The following BNC2 variants were observed in gnomAD, a reference collection of about 807,000 sequenced individuals.
BNC2 encodes the protein basonuclin zinc finger protein 2.
Under a neutral mutation model 76.3 loss-of-function variants are expected in BNC2, and 20 were observed. That is an observed-to-expected ratio of 0.26 (90% CI 0.18 to 0.38). The LOEUF is 0.38. Among genes scored for constraint, BNC2 ranks in the 10% least tolerant of loss-of-function variants. The probability of loss-of-function intolerance (pLI) is 1.00; values close to 1 mark genes in which losing one functional copy is unlikely to be tolerated. For synonymous variants in BNC2, 582 were observed against 514.8 expected, an observed-to-expected ratio of 1.13 and a Z score of -1.77; for missense variants, 1,382 against 1,399.8, an observed-to-expected ratio of 0.99 and a Z score of 0.20.
chr9:16,542,899 C>A (rs998871189), intron 5 of BNC2, among the ~76,000 whole-genome samples: 1 of 152,114 alleles, frequency 6.6e-6, no homozygotes, highest in African/African-American at 2.4e-5. Flanking sequence ...ATTTCATACA[C>A]CAGCACTTGA....
intron 1 of BNC2, among the ~76,000 whole-genome samples, chr9:16,803,364 C>G (rs1817828668): frequency 6.6e-6 from 1 of 152,124 alleles, no homozygotes; most frequent in Non-Finnish European, 1.5e-5. Flanking sequence ...TAATACGTAC[C>G]TCTGCCCCAA....
At chr9:16,806,444 T>TAATG (rs1817914646) in intron 1 of BNC2, among the ~76,000 whole-genome samples, 1 of 152,170 alleles carries the variant, frequency 6.6e-6, no homozygotes, top group Non-Finnish European at 1.5e-5. Context: ...TTTTGAAGGT[T>TAATG]CACTTGGAAC....
intron 5 of BNC2, among the ~76,000 whole-genome samples, chr9:16,538,810 T>C (rs1210763278): frequency 6.6e-6 from 1 of 152,212 alleles, no homozygotes; most frequent in Admixed American, 6.5e-5. Flanking sequence ...TGAAAAATGT[T>C]TAAAATTCCT....
intron 1 of BNC2, among the ~76,000 whole-genome samples, chr9:16,802,699 G>A (rs1215428755): frequency 6.6e-6 from 1 of 152,166 alleles, no homozygotes; most frequent in East Asian, 1.9e-4. Context: ...GTTTTTGTAA[G>A]AACACACTAT....
intron 5 of BNC2, among the ~76,000 whole-genome samples, chr9:16,495,131 G>A (rs926272861): frequency 2.6e-5 from 4 of 152,176 alleles, no homozygotes; most frequent in Non-Finnish European, 5.9e-5. Context: ...CAAGTGGATA[G>A]GGGATTATTA....
chr9:16,562,632 T>C (rs1197012231), intron 4 of BNC2, among the ~76,000 whole-genome samples: 2 of 152,188 alleles, frequency 1.3e-5, no homozygotes, highest in Non-Finnish European at 2.9e-5. Flanking sequence ...ATAATCCAAA[T>C]GTCAAAGCAC....
chr9:16,749,691 T>G (rs1408380604), intron 1 of BNC2, among the ~76,000 whole-genome samples: 1 of 102,998 alleles, frequency 9.7e-6, no homozygotes, highest in Non-Finnish European at 2.0e-5. Context: ...GAGAGAGAGA[T>G]CCTGTGCTTT....
At chr9:16,576,062 G>A (rs1819476206) in intron 4 of BNC2, among the ~76,000 whole-genome samples, 1 of 152,138 alleles carries the variant, frequency 6.6e-6, no homozygotes, top group Non-Finnish European at 1.5e-5. Flanking sequence ...TAAGGATCTG[G>A]TTCTTACTTT....
At chr9:16,634,520 G>C (rs966142400) in intron 3 of BNC2, among the ~76,000 whole-genome samples, 2 of 48,148 alleles carry the variant, frequency 4.2e-5, no homozygotes, top group African/African-American at 1.8e-4. Flanking sequence ...TTTTTTTTTT[G>C]AGACAGAGTC....
At chr9:16,506,332 G>T (rs962959658) in intron 5 of BNC2, among the ~76,000 whole-genome samples, 1 of 151,978 alleles carries the variant, frequency 6.6e-6, no homozygotes, top group Non-Finnish European at 1.5e-5. Flanking sequence ...ATTTGTCAAG[G>T]AAAGTCCTGG....
chr9:16,764,658 C>G (rs1370257443), intron 1 of BNC2, among the ~76,000 whole-genome samples: 1 of 151,052 alleles, frequency 6.6e-6, no homozygotes, highest in Non-Finnish European at 1.5e-5. Context: ...TTTCTTGAAA[C>G]TACTAATATA....
intron 1 of BNC2, among the ~76,000 whole-genome samples, chr9:16,798,968 A>G (rs113115356): frequency 8.5e-5 from 13 of 152,190 alleles, no homozygotes; most frequent in African/African-American, 3.1e-4. Flanking sequence ...CTTTCTATCT[A>G]TCCAAATGTC....
chr9:16,445,172 CACTT>C (rs1455281153), intron 5 of BNC2, among the ~76,000 whole-genome samples: 2 of 152,150 alleles, frequency 1.3e-5, no homozygotes, highest in African/African-American at 4.8e-5. Context: ...TTCTGAGAAA[CACTT>C]AAAATCGTGG....
At chr9:16,613,643 G>C (rs1405668414) in intron 3 of BNC2, among the ~76,000 whole-genome samples, 2 of 152,318 alleles carry the variant, frequency 1.3e-5, no homozygotes, top group African/African-American at 4.8e-5. Context: ...AGTGACAACA[G>C]GTAAATGTAA....
rs898409298 is a variant in BNC2 at position 16,419,592 on chromosome 9, C to A, written c.2697G>T (p.Met899Ile). 6.2e-7 allele frequency: 1 copy of A among 1,608,306 alleles called. No homozygotes were observed. The highest frequency in any genetic ancestry group is 8.5e-7 in the Non-Finnish European group (1 of 1,179,486). ...RKLLTKELDD[M>I]GLDSSQPSLS... ...GGGAGGGCTGCGACGAGTCCAGGCCCATGTCATCGAGTTCTTTGGTCAACA... is the reference window on the plus strand; with the variant it reads ...GGGAGGGCTGCGACGAGTCCAGGCCAATGTCATCGAGTTCTTTGGTCAACA... The change falls in exon 7 of 7, where the codon ATG becomes ATT. Residue 899 changes from methionine (M) to isoleucine (I), a missense_variant. Coordinates refer to ENST00000380672, the MANE Select transcript of BNC2 (RefSeq NM_017637.6).
chr9:16,861,786 G>T (rs780592909), intron 1 of BNC2, among the ~76,000 whole-genome samples: 3 of 152,158 alleles, frequency 2.0e-5, no homozygotes, highest in Admixed American at 2.0e-4. Context: ...TCAGGAGATC[G>T]AGACCATCCT....
At chr9:16,439,026 CAGTG>C (rs1269508441) in intron 5 of BNC2, among the ~76,000 whole-genome samples, 5 of 152,242 alleles carry the variant, frequency 3.3e-5, no homozygotes, top group East Asian at 1.9e-4. Flanking sequence ...GTTCCTATGA[CAGTG>C]AGTAAGTCTC....
intron 1 of BNC2, among the ~76,000 whole-genome samples, chr9:16,779,057 T>A (rs530343574): frequency 6.8e-6 from 1 of 147,938 alleles, no homozygotes; most frequent in Non-Finnish European, 1.5e-5. Flanking sequence ...GGATGGTTGA[T>A]TGCTTGCGGT....
intron 5 of BNC2, among the ~76,000 whole-genome samples, chr9:16,545,757 T>A (rs1367493864): frequency 1.3e-5 from 2 of 152,150 alleles, no homozygotes; most frequent in Non-Finnish European, 2.9e-5. Context: ...ATAAGCACCC[T>A]ACTACACTTC....
Sources: gnomAD v4.1 joint callset for allele counts (sites outside exome capture counted in the v4.1 genomes callset) on GRCh38, gnomAD v4.1.1 for gene constraint, MANE v1.5 for transcripts, NCBI Gene and HGNC (gene_info 2026-07-23, HGNC 2026-07-21) for gene names.